Variants in ADIPOR2 observed in about 807,000 individuals in gnomAD.
The protein encoded by ADIPOR2 is adiponectin receptor protein 2.
Under a neutral mutation model 40.9 loss-of-function variants are expected in ADIPOR2, and 18 were observed. The ratio of observed to expected loss-of-function variants is 0.44; its 90% CI spans 0.30 to 0.65. The LOEUF (loss-of-function observed/expected upper bound fraction) is 0.65. Among genes scored for constraint, ADIPOR2 ranks in the 30% least tolerant of loss-of-function variants. ADIPOR2 has a pLI of 0.09. For missense variants in ADIPOR2, 283 were observed against 479.2 expected (o/e 0.59, Z 3.82); for synonymous variants, 165 against 166.4 (o/e 0.99, Z 0.06).
chr12:1,771,175 A>G (rs1372601443), intron 2 of ADIPOR2, among the ~76,000 whole-genome samples: 2 of 152,294 alleles, frequency 1.3e-5, no homozygotes, highest in South Asian at 2.1e-4. Context: ...TGTGCACACA[A>G]CAGACACAGT....
intron 2 of ADIPOR2, among the ~76,000 whole-genome samples, chr12:1,758,716 A>AT (rs61006760): frequency 0.07 from 10,631 of 151,926 alleles, 992 homozygotes; most frequent in African/African-American, 0.21. Flanking sequence ...CCATATGCTG[A>AT]TTTTTTTTGT....
Position 1,787,936 on chromosome 12 carries a change from T to G in ADIPOR2, c.*1864T>G, listed in dbSNP as rs1862872813. 1 of 152,720 alleles carries G rather than the reference T, an allele frequency of 6.5e-6. No individual in the cohort carries two copies. The allele number at this position is 152,720 out of a possible 1,614,324, so 9.5% of individuals were successfully genotyped here. On this transcript the variant is annotated 3_prime_UTR_variant, in exon 8 of 8. Transcript: ENST00000357103. The stretch of plus-strand genomic sequence containing the variant: ...CGAGCAAAAGACTCAGTGGATGAAC[T>G]GGTGCAGTGCCTGACAGAATAAAGA...
intron 3 of ADIPOR2, among the ~76,000 whole-genome samples, chr12:1,775,547 CTCTT>C (rs1473568098): frequency 6.6e-6 from 1 of 152,170 alleles, no homozygotes; most frequent in Non-Finnish European, 1.5e-5. Context: ...GAACATATGA[CTCTT>C]TTGTCTGTGT....
intron 7 of ADIPOR2, among the ~76,000 whole-genome samples, chr12:1,784,319 A>G (rs1307744337): frequency 1.3e-5 from 2 of 152,216 alleles, no homozygotes; most frequent in Non-Finnish European, 2.9e-5. Flanking sequence ...CATTAGCCCT[A>G]TGTGGTATGA....
At chr12:1,706,104 A>AACT (rs2094661808) in intron 1 of ADIPOR2, among the ~76,000 whole-genome samples, 1 of 152,210 alleles carries the variant, frequency 6.6e-6, no homozygotes, top group South Asian at 2.1e-4. Flanking sequence ...GGAAGAAGGG[A>AACT]ACTACTTACT....
chr12:1,778,614 A>G (rs1362811348), intron 4 of ADIPOR2: 1 of 152,230 alleles, frequency 6.6e-6, no homozygotes, highest in Non-Finnish European at 1.5e-5. Context: ...CTTAGGAGAA[A>G]ACATATATAA....
chr12:1,741,339 A>T (rs1397276355), intron 1 of ADIPOR2, among the ~76,000 whole-genome samples: 2 of 152,188 alleles, frequency 1.3e-5, no homozygotes, highest in Non-Finnish European at 2.9e-5. Flanking sequence ...GGTTTAGCTA[A>T]GATCATGGCA....
chr12:1,786,083 T>G lies in ADIPOR2; in HGVS notation c.*11T>G. ...GAGGATGCACTGTGATACCTACCAG[T>G]CTCCAGGGACTATGACCCTAAACCA... On this transcript the variant is annotated 3_prime_UTR_variant, in exon 8 of 8. Transcript: ENST00000357103. 6.2e-7 allele frequency: 1 copy of G among 1,612,970 alleles called. No homozygotes were observed. The highest frequency in any genetic ancestry group is 8.5e-7 in the Non-Finnish European group (1 of 1,179,780).
At chr12:1,748,312 G>T (rs376010884) in intron 1 of ADIPOR2, among the ~76,000 whole-genome samples, 4 of 151,990 alleles carry the variant, frequency 2.6e-5, no homozygotes, top group East Asian at 1.9e-4. Flanking sequence ...GCAGTGGCGC[G>T]ATCTCGGCTC....
In ADIPOR2 at chr12:1,772,968, G is replaced by GTGATCCCTCATGA; in HGVS notation, c.291+9_291+10insATCCCTCATGATG. 6.2e-7 allele frequency: 1 copy of GTGATCCCTCATGA among 1,612,834 alleles called. No individual in the cohort carries two copies. The highest frequency in any genetic ancestry group is 1.3e-5 in the African/African-American group (1 of 74,964). ...GGAAGAATTTGTTTGTAAGGTAAGA[G>GTGATCCCTCATGA]TGCAGTTTCTTGTCATTGTCATGCT... On this transcript the variant is annotated splice_region_variant and intron_variant, in intron 3 of 7. Transcript: ENST00000357103.
intron 1 of ADIPOR2, among the ~76,000 whole-genome samples, chr12:1,746,512 A>G (rs543185411): frequency 1.2e-4 from 19 of 152,252 alleles, no homozygotes; most frequent in African/African-American, 4.3e-4. Flanking sequence ...AAACAAAAAA[A>G]ACCCTCTTAT....
intron 2 of ADIPOR2, among the ~76,000 whole-genome samples, chr12:1,768,692 C>T (rs1862433795): frequency 6.6e-6 from 1 of 151,966 alleles, no homozygotes; most frequent in Admixed American, 6.6e-5. Context: ...TCTGTCTTTC[C>T]AAAGGTAAAG....
At chr12:1,718,215 A>G (rs1457494204) in intron 1 of ADIPOR2, among the ~76,000 whole-genome samples, 2 of 152,130 alleles carry the variant, frequency 1.3e-5, no homozygotes, top group Non-Finnish European at 2.9e-5. Context: ...CTCTTTCATA[A>G]TGATACTTGG....
At chr12:1,781,129 T>G (rs1484440995) in intron 6 of ADIPOR2, 53 bp downstream of exon 6, 12 of 1,461,354 alleles carry the variant, frequency 8.2e-6, no homozygotes, top group Non-Finnish European at 1.1e-5. Context: ...ACTAGTTAAA[T>G]TCACTATTTA....
At chr12:1,744,635 C>A (rs1384210633) in intron 1 of ADIPOR2, among the ~76,000 whole-genome samples, 1 of 152,192 alleles carries the variant, frequency 6.6e-6, no homozygotes, top group Non-Finnish European at 1.5e-5. Flanking sequence ...CCACATCTGA[C>A]CTACTTGAAA....
chr12:1,779,520 G>T (rs1204134697), intron 4 of ADIPOR2, among the ~76,000 whole-genome samples: 1 of 151,462 alleles, frequency 6.6e-6, no homozygotes, highest in African/African-American at 2.4e-5. Context: ...AAGGAGTGGG[G>T]AATGGGGGAT....
chr12:1,771,199 AGTG>A lies in ADIPOR2; in HGVS notation c.172-1642_172-1640del, dbSNP rs530019284. Among the ~76,000 whole-genome samples the A allele has an allele frequency of 9.2e-5, 14 of 152,286 alleles. No homozygotes were observed. The South Asian group carries it at 2.9e-3, about 32-fold the overall frequency. On this transcript the variant is annotated intron_variant, in intron 2 of 7. Coordinates refer to ENST00000357103, the MANE Select transcript of ADIPOR2 (RefSeq NM_024551.3). ...AACAGACACAGTGGTGCATACCTGTAGTGCACGCATGCACACACACGTGCGCAC... is the reference window on the plus strand; with the variant it reads ...AACAGACACAGTGGTGCATACCTGTACACGCATGCACACACACGTGCGCAC...
intron 2 of ADIPOR2, among the ~76,000 whole-genome samples, chr12:1,759,347 T>G (rs2154443720): frequency 6.6e-6 from 1 of 152,386 alleles, no homozygotes; most frequent in Admixed American, 6.5e-5. Flanking sequence ...TTGCTTAGGC[T>G]TCATTTAAAA....
intron 1 of ADIPOR2, among the ~76,000 whole-genome samples, chr12:1,704,144 G>A (rs2094657152): frequency 1.5e-5 from 2 of 131,878 alleles, no homozygotes; most frequent in Admixed American, 9.3e-5. Context: ...CCATATTACT[G>A]TTAACAGAGT....
Sources: allele counts gnomAD v4.1 joint callset (sites outside exome capture counted in the v4.1 genomes callset), GRCh38; gene constraint gnomAD v4.1.1; transcripts MANE v1.5; gene names NCBI Gene and HGNC (gene_info 2026-07-23, HGNC 2026-07-21).